FGF7: variants seen among roughly 807,000 people sequenced by gnomAD.
FGF7 encodes the protein FGF-7.
A neutral mutation model predicts 20.5 loss-of-function variants in FGF7; 6 were observed. The ratio of observed to expected loss-of-function variants is 0.29; its 90% CI spans 0.16 to 0.58. The LOEUF (loss-of-function observed/expected upper bound fraction) is 0.58, where lower values mean the gene tolerates loss of function less well. Ranked by LOEUF, FGF7 falls within the 20% of genes least tolerant of loss-of-function variation. The pLI, the probability that FGF7 is intolerant of heterozygous loss-of-function variation, is 0.90. For synonymous variants in FGF7, 64 were observed against 74.7 expected, an observed-to-expected ratio of 0.86 and a Z score of 0.74; for missense variants, 144 against 228.8, an observed-to-expected ratio of 0.63 and a Z score of 2.39.
rs1481249771 is a variant in FGF7 at position 49,485,884 on chromosome 15, GTGGCAGCAC to G, written c.*1383_*1391del. On this transcript the variant is annotated 3_prime_UTR_variant, in exon 4 of 4. Coordinates refer to ENST00000267843, the MANE Select transcript of FGF7 (RefSeq NM_002009.4). ...TCTAGAAATCTCTGCTGTTCAAAAG[GTGGCAGCAC>G]TGAAAGTTGTTTTCCTGTTAGATGG... 7 of 152,036 alleles carry G rather than the reference GTGGCAGCAC, an allele frequency of 4.6e-5. No individual in the cohort carries two copies. In the East Asian group the frequency reaches 1.2e-3, roughly 25 times the overall value. The allele number at this position is 152,036 out of a possible 1,614,324, so 9.4% of individuals were successfully genotyped here.
At chr15:49,447,999 T>C (rs1177715486) in intron 2 of FGF7, among the ~76,000 whole-genome samples, 1 of 151,696 alleles carries the variant, frequency 6.6e-6, no homozygotes, top group East Asian at 1.9e-4. Flanking sequence ...GCTCCAGATA[T>C]CTTTTGATTT....
intron 2 of FGF7, among the ~76,000 whole-genome samples, chr15:49,472,020 G>GAA (rs35262082): frequency 6.9e-6 from 1 of 144,190 alleles, no homozygotes. Context: ...CTTTAGAAGT[G>GAA]AAAAAAAAAA....
intron 2 of FGF7, 134 bp downstream of exon 2, chr15:49,424,717 T>C (rs961712096): frequency 8.4e-6 from 5 of 598,206 alleles, no homozygotes; most frequent in South Asian, 3.2e-5. Context: ...TTTCTCTAAA[T>C]TGAACTATGT....
In FGF7 at chr15:49,428,367, T is replaced by C. The variant is rs146630632; in HGVS notation, c.286+3784T>C. ...TCCAAAGTACACATTCAAAATGAAG[T>C]AAATATTCATTTTCTCTGCAGAAGA... On this transcript the variant is annotated intron_variant, in intron 2 of 3. Transcript: ENST00000267843. 4.9e-4 allele frequency among the ~76,000 whole-genome samples: 75 copies of C among 151,984 alleles called. No homozygotes were observed. The East Asian group carries it at 0.014, about 28-fold the overall frequency.
intron 2 of FGF7, among the ~76,000 whole-genome samples, chr15:49,462,822 G>A (rs34377746): frequency 0.052 from 7,968 of 152,226 alleles, 357 homozygotes; most frequent in East Asian, 0.23. Flanking sequence ...AAGGATGACT[G>A]TATTCTGAAA....
At chr15:49,455,954 T>A (rs774157277) in intron 2 of FGF7, among the ~76,000 whole-genome samples, 5 of 152,130 alleles carry the variant, frequency 3.3e-5, no homozygotes, top group African/African-American at 9.7e-5. Flanking sequence ...CTATGTTGTT[T>A]AGGGGAGTAT....
At chr15:49,481,903 A>G (rs1257611818) in intron 2 of FGF7, among the ~76,000 whole-genome samples, 7 of 152,300 alleles carry the variant, frequency 4.6e-5, no homozygotes, top group East Asian at 3.8e-4. Context: ...GAGGCAAATG[A>G]CAAATATTAG....
At chr15:49,482,146 C>G (rs1245761379) in intron 2 of FGF7, among the ~76,000 whole-genome samples, 1 of 152,070 alleles carries the variant, frequency 6.6e-6, no homozygotes, top group Non-Finnish European at 1.5e-5. Context: ...TGTCTCAGGA[C>G]TGTACCTTCA....
chr15:49,437,359 G>C (rs547405530), intron 2 of FGF7, among the ~76,000 whole-genome samples: 1 of 151,714 alleles, frequency 6.6e-6, no homozygotes, highest in East Asian at 1.9e-4. Context: ...TGGTGAAAAA[G>C]AAACAGTTTA....
At chr15:49,433,040 T>G (rs956233396) in intron 2 of FGF7, among the ~76,000 whole-genome samples, 1 of 151,500 alleles carries the variant, frequency 6.6e-6, no homozygotes, top group Non-Finnish European at 1.5e-5. Flanking sequence ...TTGTTGCTAT[T>G]TCAATTATTT....
At chr15:49,435,571 G>T (rs923508674) in intron 2 of FGF7, among the ~76,000 whole-genome samples, 6 of 151,510 alleles carry the variant, frequency 4.0e-5, no homozygotes, top group Non-Finnish European at 8.9e-5. Context: ...AATAATGTTG[G>T]ATGTTTAACA....
At chr15:49,479,375 GAACA>G (rs2055673071) in intron 2 of FGF7, among the ~76,000 whole-genome samples, 1 of 151,998 alleles carries the variant, frequency 6.6e-6, no homozygotes, top group Non-Finnish European at 1.5e-5. Flanking sequence ...TACTTAATGT[GAACA>G]AACTTCTCTT....
intron 2 of FGF7, among the ~76,000 whole-genome samples, chr15:49,475,172 T>A (rs1047220995): frequency 5.9e-5 from 9 of 152,114 alleles, no homozygotes; most frequent in African/African-American, 2.2e-4. Context: ...AACATGAGAA[T>A]TAGGAATAGA....
chr15:49,439,141 T>C (rs1421180606), intron 2 of FGF7, among the ~76,000 whole-genome samples: 1 of 151,606 alleles, frequency 6.6e-6, no homozygotes, highest in East Asian at 2.0e-4. Flanking sequence ...TCTCACATTG[T>C]TGTTGGCAGG....
chr15:49,455,147 C>T lies in FGF7; in HGVS notation c.287-28004C>T, dbSNP rs117696817. Among the ~76,000 whole-genome samples, 12 of 152,256 alleles carry T rather than the reference C, an allele frequency of 7.9e-5. No individual in the cohort carries two copies. The East Asian group carries it at 1.2e-3, about 15-fold the overall frequency. On this transcript the variant is annotated intron_variant, in intron 2 of 3. Transcript: ENST00000267843. Reference sequence around the variant, plus strand: ...AGTCAAAATCTCTGCTGTTAATTGGCGTCTCAGGTGATTTGTATGCATGCA... The same window carrying T: ...AGTCAAAATCTCTGCTGTTAATTGGTGTCTCAGGTGATTTGTATGCATGCA...
At chr15:49,442,304 T>A (rs2051733601) in intron 2 of FGF7, among the ~76,000 whole-genome samples, 1 of 151,702 alleles carries the variant, frequency 6.6e-6, no homozygotes. Flanking sequence ...CTTCTCAGTA[T>A]CTACCCATTC....
intron 2 of FGF7, among the ~76,000 whole-genome samples, chr15:49,452,003 T>C (rs1395372932): frequency 2.0e-5 from 3 of 152,030 alleles, no homozygotes; most frequent in African/African-American, 7.2e-5. Context: ...ATATCTTATA[T>C]CACTACTTGA....
chr15:49,464,990 T>C (rs1355203970), intron 2 of FGF7, among the ~76,000 whole-genome samples: 3 of 152,162 alleles, frequency 2.0e-5, no homozygotes, highest in African/African-American at 4.8e-5. Flanking sequence ...AGTTTCTAAT[T>C]AAGAAACTAT....
Position 49,485,770 on chromosome 15 carries a change from G to C in FGF7, c.*1266G>C, listed in dbSNP as rs1392986060. ...TCATTACAAATATAAGTATTTACAGGATTTTAAAGTTAGAATATATTTGAA... is the reference window on the plus strand; with the variant it reads ...TCATTACAAATATAAGTATTTACAGCATTTTAAAGTTAGAATATATTTGAA... On this transcript the variant is annotated 3_prime_UTR_variant, in exon 4 of 4. Coordinates refer to ENST00000267843, the MANE Select transcript of FGF7 (RefSeq NM_002009.4). The C allele has an allele frequency of 2.0e-5, 3 of 152,312 alleles. No homozygotes were observed. Among genetic ancestry groups the C allele is most frequent in the African/African-American group, 7.2e-5 (3 of 41,398 alleles). 9.4% of individuals were successfully genotyped at this position (152,312 alleles called of 1,614,324 possible). A position where few individuals can be genotyped will look rare whatever the true frequency, so the allele number is the denominator to read the frequency against.
Sources: allele counts gnomAD v4.1 joint callset (sites outside exome capture counted in the v4.1 genomes callset), GRCh38; gene constraint gnomAD v4.1.1; transcripts MANE v1.5; gene names NCBI Gene and HGNC (gene_info 2026-07-23, HGNC 2026-07-21).